LRRC8C: variants seen among roughly 807,000 people sequenced by gnomAD.
The protein encoded by LRRC8C is volume-regulated anion channel subunit LRRC8C.
Under a neutral mutation model 55.3 loss-of-function variants are expected in LRRC8C, and 20 were observed. That is an observed-to-expected ratio of 0.36 (90% confidence interval 0.25 to 0.53). The LOEUF is 0.53. Ranked by LOEUF, LRRC8C falls within the 20% of genes least tolerant of loss-of-function variation. LRRC8C has a pLI of 0.92. For missense variants in LRRC8C, 659 were observed against 951.4 expected, an observed-to-expected ratio of 0.69 and a Z score of 4.04; for synonymous variants, 376 against 360.7, an observed-to-expected ratio of 1.04 and a Z score of -0.48.
chr1:89,695,101 T>C (rs1658136196), intron 2 of LRRC8C, among the ~76,000 whole-genome samples: 2 of 151,748 alleles, frequency 1.3e-5, no homozygotes, highest in Non-Finnish European at 2.9e-5. Context: ...TTTGTATTTT[T>C]AGTAGAGATG....
intron 1 of LRRC8C, among the ~76,000 whole-genome samples, chr1:89,685,964 A>G (rs890822197): frequency 2.6e-5 from 4 of 152,068 alleles, no homozygotes; most frequent in African/African-American, 4.8e-5. Flanking sequence ...TTCCTTTCCC[A>G]TGGAACAAGC....
chr1:89,689,263 C>T (rs1050192678), intron 2 of LRRC8C, among the ~76,000 whole-genome samples: 7 of 152,104 alleles, frequency 4.6e-5, no homozygotes, highest in Non-Finnish European at 1.0e-4. Flanking sequence ...TGAAGAAAAG[C>T]CATGAGGCCA....
intron 2 of LRRC8C, among the ~76,000 whole-genome samples, chr1:89,692,847 A>G (rs1658061887): frequency 6.6e-6 from 1 of 152,202 alleles, no homozygotes; most frequent in African/African-American, 2.4e-5. Context: ...CATATCCTGA[A>G]AGGTCAACAC....
chr1:89,653,469 C>A (rs1415521346), intron 1 of LRRC8C, among the ~76,000 whole-genome samples: 2 of 152,126 alleles, frequency 1.3e-5, no homozygotes, highest in Admixed American at 1.3e-4. Flanking sequence ...TTTAAAAGGC[C>A]AATAATGTTT....
intron 1 of LRRC8C, among the ~76,000 whole-genome samples, chr1:89,639,553 C>G (rs535737742): frequency 1.3e-5 from 2 of 152,282 alleles, no homozygotes; most frequent in East Asian, 3.9e-4. Context: ...TCTCCTCCAG[C>G]TTTTATTTAA....
chr1:89,705,986 A>G (rs1557667964), intron 2 of LRRC8C, among the ~76,000 whole-genome samples: 1 of 152,134 alleles, frequency 6.6e-6, no homozygotes, highest in Admixed American at 6.5e-5. Context: ...TTAACTTATA[A>G]AGTGATCCCA....
upstream of LRRC8C, among the ~76,000 whole-genome samples, chr1:89,628,864 C>T (rs191455122): frequency 1.3e-5 from 2 of 152,272 alleles, no homozygotes; most frequent in Non-Finnish European, 2.9e-5. Flanking sequence ...TATGACCCAC[C>T]TCAGGGAAGA....
chr1:89,625,581 G>A, the LRRC8C span, among the ~76,000 whole-genome samples: 1 of 152,208 alleles, frequency 6.6e-6, no homozygotes, highest in African/African-American at 2.4e-5. Context: ...CTCAGGATGG[G>A]TGGTGGCTTT....
At chr1:89,664,294 A>G (rs751419646) in intron 1 of LRRC8C, among the ~76,000 whole-genome samples, 4 of 152,104 alleles carry the variant, frequency 2.6e-5, no homozygotes, top group Non-Finnish European at 5.9e-5. Flanking sequence ...TTAAGTCTTT[A>G]ATCTATCTTG....
At chr1:89,678,361 G>T (rs139048467) in intron 1 of LRRC8C, among the ~76,000 whole-genome samples, 51 of 152,284 alleles carry the variant, frequency 3.3e-4, no homozygotes, top group East Asian at 2.5e-3. Flanking sequence ...ATTAAGTTCT[G>T]CCATCATGAA....
At chr1:89,619,425 AATTT>A in the LRRC8C span, among the ~76,000 whole-genome samples, 7 of 150,124 alleles carry the variant, frequency 4.7e-5, no homozygotes, top group South Asian at 2.1e-4. Context: ...TAAAAATAAC[AATTT>A]ATTTACATAA....
At chr1:89,687,931 CAT>C (rs1278794353) in intron 2 of LRRC8C, among the ~76,000 whole-genome samples, 3 of 152,300 alleles carry the variant, frequency 2.0e-5, no homozygotes, top group Non-Finnish European at 4.4e-5. Context: ...ATAGTGAACA[CAT>C]ACTGCTTCCT....
the LRRC8C span, among the ~76,000 whole-genome samples, chr1:89,616,580 C>A: frequency 1.3e-5 from 2 of 152,274 alleles, no homozygotes; most frequent in South Asian, 2.1e-4. Context: ...AAAATTGGTT[C>A]AGGAGCTGAC....
chr1:89,706,248 G>A, intron 2 of LRRC8C: 1 of 455,140 alleles, frequency 2.2e-6, no homozygotes, highest in South Asian at 1.6e-5. Flanking sequence ...TGTTCTACAT[G>A]TCTGGCATGT....
At chr1:89,618,009 A>C in the LRRC8C span, among the ~76,000 whole-genome samples, 1 of 152,202 alleles carries the variant, frequency 6.6e-6, no homozygotes, top group South Asian at 2.1e-4. Flanking sequence ...CCTGAGCCTT[A>C]GAGTCCACAG....
At chr1:89,651,755 A>G (rs1450965740) in intron 1 of LRRC8C, among the ~76,000 whole-genome samples, 2 of 152,110 alleles carry the variant, frequency 1.3e-5, no homozygotes, top group Admixed American at 1.3e-4. Flanking sequence ...GTTTGTTAGT[A>G]GGCTAATTCA....
At chr1:89,641,251 T>A (rs1656448209) in intron 1 of LRRC8C, among the ~76,000 whole-genome samples, 1 of 152,234 alleles carries the variant, frequency 6.6e-6, no homozygotes, top group Non-Finnish European at 1.5e-5. Context: ...ATTTTATTTG[T>A]CTTAGGTGTA....
intron 1 of LRRC8C, chr1:89,668,167 A>G (rs533407205): frequency 3.3e-5 from 5 of 152,696 alleles, no homozygotes; most frequent in African/African-American, 9.6e-5. Context: ...CCAGCATTCA[A>G]ATTCTCAGCA....
intron 1 of LRRC8C, among the ~76,000 whole-genome samples, chr1:89,637,728 A>C (rs1656329604): frequency 6.6e-6 from 1 of 152,148 alleles, no homozygotes; most frequent in Admixed American, 6.5e-5. Context: ...TTTGAAATAC[A>C]TAGTTTGGCA....
Sources: allele counts gnomAD v4.1 joint callset (sites outside exome capture counted in the v4.1 genomes callset), GRCh38; gene constraint gnomAD v4.1.1; transcripts MANE v1.5; gene names NCBI Gene and HGNC (gene_info 2026-07-23, HGNC 2026-07-21).